Variants in UNC5D observed in about 807,000 individuals in gnomAD.
The protein encoded by UNC5D is netrin receptor UNC5D.
A neutral mutation model predicts 105.4 loss-of-function variants in UNC5D; 39 were observed. That is an observed-to-expected ratio of 0.37 (90% CI 0.29 to 0.48). The LOEUF (loss-of-function observed/expected upper bound fraction) is 0.48. UNC5D is among the 20% of genes least tolerant of loss of function. UNC5D has a pLI of 0.98. For synonymous variants in UNC5D, 452 were observed against 450.4 expected, an observed-to-expected ratio of 1.00 and a Z score of -0.04; for missense variants, 991 against 1,202.4, an observed-to-expected ratio of 0.82 and a Z score of 2.60.
chr8:35,415,042 A>G (rs939572419), intron 1 of UNC5D, among the ~76,000 whole-genome samples: 13 of 152,132 alleles, frequency 8.5e-5, no homozygotes, highest in Non-Finnish European at 1.6e-4. Context: ...TTAGGTCTAA[A>G]TCAGAATTTT....
At chr8:35,372,504 A>G (rs922595299) in intron 1 of UNC5D, among the ~76,000 whole-genome samples, 3 of 152,200 alleles carry the variant, frequency 2.0e-5, no homozygotes, top group Admixed American at 2.0e-4. Context: ...AGCTGGGCTT[A>G]TCCTACATAG....
At chr8:35,530,073 C>T (rs1814226202) in intron 1 of UNC5D, among the ~76,000 whole-genome samples, 1 of 151,504 alleles carries the variant, frequency 6.6e-6, no homozygotes, top group Non-Finnish European at 1.5e-5. Flanking sequence ...CCAGAACTTC[C>T]AACACTATGT....
Position 35,731,029 on chromosome 8 carries a change from C to G in UNC5D, c.1699C>G (p.Pro567Ala), listed in dbSNP as rs1317476929. 6.2e-7 allele frequency: 1 copy of G among 1,613,852 alleles called. No homozygotes were observed. Among genetic ancestry groups the G allele is most frequent in the Non-Finnish European group, 8.5e-7 (1 of 1,179,848 alleles). Residue 567 changes from proline (P) to alanine (A), a missense_variant, in exon 11 of 17, where the codon CCA becomes GCA. By Grantham distance (27) the Pro-to-Ala change is conservative. Coordinates refer to ENST00000404895, the MANE Select transcript of UNC5D (RefSeq NM_080872.4). ...MPNTGVSLLI[P>A]HGAIPEENSW... is the part of the protein sequence containing the mutation. ...TGTTTTAGGGGTGAGCTTACTCATA[C>G]CACACGGTGCCATCCCAGAGGAGAA...
intron 11 of UNC5D, among the ~76,000 whole-genome samples, chr8:35,741,326 C>T (rs1323035557): frequency 3.3e-5 from 5 of 152,118 alleles, no homozygotes; most frequent in South Asian, 2.1e-4. Flanking sequence ...ATTCCCCTCC[C>T]GCCCCAACCC....
intron 1 of UNC5D, among the ~76,000 whole-genome samples, chr8:35,414,275 G>C (rs1805392760): frequency 6.6e-6 from 1 of 152,050 alleles, no homozygotes; most frequent in African/African-American, 2.4e-5. Flanking sequence ...GTGTGCTCTT[G>C]AATACTTATG....
chr8:35,706,976 A>T (rs1480021636), intron 8 of UNC5D, among the ~76,000 whole-genome samples: 1 of 152,216 alleles, frequency 6.6e-6, no homozygotes, highest in East Asian at 1.9e-4. Context: ...CATTAGTAGG[A>T]GATTAGACAA....
chr8:35,239,937 C>A (rs1802701016), intron 1 of UNC5D, among the ~76,000 whole-genome samples: 1 of 142,926 alleles, frequency 7.0e-6, no homozygotes. Flanking sequence ...TTTCTCTTTT[C>A]TTTTCTTTTC....
At chr8:35,729,118 C>G (rs1829051549) in intron 10 of UNC5D, among the ~76,000 whole-genome samples, 1 of 152,152 alleles carries the variant, frequency 6.6e-6, no homozygotes, top group African/African-American at 2.4e-5. Context: ...ATTTAAAGCT[C>G]CAGTGATCCC....
chr8:35,416,929 T>A (rs1805568477), intron 1 of UNC5D, among the ~76,000 whole-genome samples: 1 of 152,190 alleles, frequency 6.6e-6, no homozygotes, highest in Admixed American at 6.5e-5. Flanking sequence ...GAATTCTGTT[T>A]ATTTTTTATT....
intron 1 of UNC5D, among the ~76,000 whole-genome samples, chr8:35,382,489 G>A (rs561243027): frequency 2.2e-4 from 33 of 152,140 alleles, no homozygotes; most frequent in African/African-American, 7.7e-4. Flanking sequence ...AAAAAATTTA[G>A]CGCTTTCTTT....
chr8:35,667,887 A>G (rs1824533557), intron 4 of UNC5D, among the ~76,000 whole-genome samples: 1 of 152,190 alleles, frequency 6.6e-6, no homozygotes, highest in African/African-American at 2.4e-5. Context: ...TTTCTTCACT[A>G]CTATAAACAA....
Position 35,248,281 on chromosome 8 carries a change from T to TG in UNC5D, c.103+12394_103+12395insG. Reference sequence around the variant, plus strand: ...TATGTTATATAAAATATATAATATATAAATATATGTTATATAAAATATATA... The same window carrying TG: ...TATGTTATATAAAATATATAATATATGAAATATATGTTATATAAAATATATA... On this transcript the variant is annotated intron_variant, in intron 1 of 16. Coordinates refer to ENST00000404895, the MANE Select transcript of UNC5D (RefSeq NM_080872.4). Among the ~76,000 whole-genome samples, 4 of 111,984 alleles carry TG rather than the reference T, an allele frequency of 3.6e-5. 1 individual carries two copies. The highest frequency in any genetic ancestry group is 1.5e-4 in the African/African-American group (4 of 26,212). 73.5% of individuals were successfully genotyped at this position (111,984 alleles called of 152,430 possible). A position where few individuals can be genotyped will look rare whatever the true frequency, so the allele number is the denominator to read the frequency against.
At chr8:35,347,289 G>T (rs1585637214) in intron 1 of UNC5D, among the ~76,000 whole-genome samples, 1 of 151,960 alleles carries the variant, frequency 6.6e-6, no homozygotes, top group East Asian at 1.9e-4. Context: ...GGCTTTGTAG[G>T]GTGTGTATTT....
chr8:35,706,001 T>C, intron 8 of UNC5D, 40 bp downstream of exon 8: 1 of 1,239,418 alleles, frequency 8.1e-7, no homozygotes, highest in Non-Finnish European at 1.1e-6. Flanking sequence ...TTTATTCTCA[T>C]ATTTGCTGCC....
intron 1 of UNC5D, among the ~76,000 whole-genome samples, chr8:35,500,060 C>T (rs1811867749): frequency 6.6e-6 from 1 of 152,194 alleles, no homozygotes; most frequent in South Asian, 2.1e-4. Context: ...CCTCACCTTT[C>T]ATTTTAAATA....
rs751203099 is a variant in UNC5D at position 35,568,078 on chromosome 8, C to T, written c.323-20C>T. The stretch of plus-strand genomic sequence containing the variant: ...TATAACAGCCTCAGCTGATTTGTCT[C>T]TTATCTCTCCCACCATCAGGTTTGA... On this transcript the variant is annotated intron_variant, in intron 2 of 16. Transcript: ENST00000404895. 2 of 1,612,984 alleles carry T rather than the reference C, an allele frequency of 1.2e-6. No individual in the cohort carries two copies. The highest frequency in any genetic ancestry group is 1.7e-6 in the Non-Finnish European group (2 of 1,179,468).
At chr8:35,720,861 T>C (rs1828545204) in intron 8 of UNC5D, among the ~76,000 whole-genome samples, 1 of 151,942 alleles carries the variant, frequency 6.6e-6, no homozygotes, top group Non-Finnish European at 1.5e-5. Flanking sequence ...TTGATGGTTG[T>C]GTTCTCCCTT....
At chr8:35,614,594 C>T (rs192449496) in intron 4 of UNC5D, among the ~76,000 whole-genome samples, 10 of 151,808 alleles carry the variant, frequency 6.6e-5, no homozygotes, top group Admixed American at 3.3e-4. Context: ...ACTAGTTAAA[C>T]GCTAGTAATT....
intron 1 of UNC5D, among the ~76,000 whole-genome samples, chr8:35,484,359 T>C (rs1389228815): frequency 6.6e-6 from 1 of 152,122 alleles, no homozygotes; most frequent in Non-Finnish European, 1.5e-5. Context: ...GAATCTTTAG[T>C]TATTCTCATT....
Sources: allele counts gnomAD v4.1 joint callset (sites outside exome capture counted in the v4.1 genomes callset), GRCh38; gene constraint gnomAD v4.1.1; transcripts MANE v1.5; gene names NCBI Gene and HGNC (gene_info 2026-07-23, HGNC 2026-07-21).